The following DAAM1 variants were observed in gnomAD, a reference collection of about 807,000 sequenced individuals.
DAAM1 encodes dishevelled associated activator of morphogenesis 1.
DAAM1 carries 52 observed loss-of-function variants against 130.0 expected under a neutral mutation model. The ratio of observed to expected loss-of-function variants is 0.40; its 90% CI spans 0.32 to 0.50. The LOEUF (loss-of-function observed/expected upper bound fraction) is 0.50, where lower values mean the gene tolerates loss of function less well. Ranked by LOEUF, DAAM1 falls within the 20% of genes least tolerant of loss-of-function variation. The pLI is 0.61. For synonymous variants in DAAM1, 452 were observed against 444.5 expected, an observed-to-expected ratio of 1.02 and a Z score of -0.21; for missense variants, 1,134 against 1,303.8, an observed-to-expected ratio of 0.87 and a Z score of 2.01.
intron 1 of DAAM1, among the ~76,000 whole-genome samples, chr14:59,192,149 G>GT (rs1887749853): frequency 3.6e-5 from 5 of 138,650 alleles, no homozygotes; most frequent in African/African-American, 1.4e-4. Flanking sequence ...CTTGTTAAGG[G>GT]GTGTGTGTGT....
chr14:59,288,025 A>T (rs1436067088), intron 2 of DAAM1, among the ~76,000 whole-genome samples: 1 of 152,158 alleles, frequency 6.6e-6, no homozygotes, highest in Non-Finnish European at 1.5e-5. Context: ...CAAACTATAC[A>T]GCAAGGCTAC....
chr14:59,363,156 T>C (rs1025834601), intron 22 of DAAM1: 1 of 158,612 alleles, frequency 6.3e-6, no homozygotes, highest in Non-Finnish European at 1.4e-5. Context: ...TGGTACATTA[T>C]GGTGCCAAAT....
At chr14:59,207,090 G>A (rs1313314694) in intron 1 of DAAM1, among the ~76,000 whole-genome samples, 6 of 152,120 alleles carry the variant, frequency 3.9e-5, no homozygotes, top group Non-Finnish European at 7.4e-5. Context: ...AAGATGTTAA[G>A]GGTCGTTCAC....
chr14:59,254,116 G>T (rs994924174), intron 1 of DAAM1, among the ~76,000 whole-genome samples: 3 of 152,188 alleles, frequency 2.0e-5, no homozygotes, highest in Non-Finnish European at 4.4e-5. Context: ...TGCTCCTTGT[G>T]GTAGGGGGAC....
intron 2 of DAAM1, among the ~76,000 whole-genome samples, chr14:59,268,558 A>G (rs192953192): frequency 2.6e-5 from 4 of 152,298 alleles, no homozygotes; most frequent in Admixed American, 2.6e-4. Context: ...GCTGTTCTAT[A>G]TCTCCTGAAG....
chr14:59,337,573 A>G (rs76542896), intron 15 of DAAM1, among the ~76,000 whole-genome samples: 2 of 152,250 alleles, frequency 1.3e-5, no homozygotes, highest in African/African-American at 2.4e-5. Context: ...TTGCAAAAAT[A>G]TGCAACGTAT....
At chr14:59,314,872 T>C (rs377419459) in intron 3 of DAAM1, among the ~76,000 whole-genome samples, 68 of 152,328 alleles carry the variant, frequency 4.5e-4, no homozygotes, top group South Asian at 2.1e-3. Flanking sequence ...CTGAAAAAGT[T>C]TGGTTAATAA....
Position 59,331,888 on chromosome 14 carries a change from G to A in DAAM1, c.1936G>A (p.Glu646Lys). ...VFKILDLEDL[E>K]RTFSAYQRQQ... ...CAAAATTCTAGATCTTGAAGACCTG[G>A]AAAGAACCTTCTCTGCCTATCAAAG... Residue 646 changes from glutamate to lysine, a missense_variant, in exon 15 of 25, where the codon GAA (glutamate) becomes AAA (lysine). By Grantham distance (56) the Glu-to-Lys change is moderately conservative. Around this residue, in one of 3 missense-constraint regions of DAAM1, gnomAD observed 644 missense variants for 695.9 expected, o/e 0.93. Transcript: ENST00000360909. 1 of 1,614,108 alleles carries A rather than the reference G, an allele frequency of 6.2e-7. No homozygotes were observed. The highest frequency in any genetic ancestry group is 1.1e-5 in the South Asian group (1 of 91,080).
rs185154067 is a variant in DAAM1, at chr14:59,204,360, C to T, written c.-38+15592C>T. Among the ~76,000 whole-genome samples, 26 of 152,332 alleles carry T rather than the reference C, an allele frequency of 1.7e-4. 1 individual carries two copies. Among genetic ancestry groups the T allele is most frequent in the Admixed American group, 4.6e-4 (7 of 15,300 alleles). On this transcript the variant is annotated intron_variant, in intron 1 of 24. Coordinates refer to ENST00000360909, the MANE Select transcript of DAAM1 (RefSeq NM_001270520.2). ...GGGACTGCTTTTAGCTTCTAGAGGCCACCCACATTCTGTTCCACATGGCCC... is the reference window on the plus strand; with the variant it reads ...GGGACTGCTTTTAGCTTCTAGAGGCTACCCACATTCTGTTCCACATGGCCC...
intron 1 of DAAM1, among the ~76,000 whole-genome samples, chr14:59,251,295 GGCCCGT>G (rs1403391740): frequency 2.0e-5 from 3 of 152,018 alleles, no homozygotes; most frequent in African/African-American, 7.2e-5. Flanking sequence ...TGGATCAAAG[GGCCCGT>G]GCATTAAAAT....
At chr14:59,293,419 T>C (rs530476487) in intron 3 of DAAM1, among the ~76,000 whole-genome samples, 1 of 152,334 alleles carries the variant, frequency 6.6e-6, no homozygotes, top group Admixed American at 6.5e-5. Flanking sequence ...TCATCTCAAG[T>C]GTGCATGATG....
intron 2 of DAAM1, among the ~76,000 whole-genome samples, chr14:59,290,803 G>A (rs1035406888): frequency 3.9e-5 from 6 of 152,060 alleles, no homozygotes; most frequent in African/African-American, 1.4e-4. Flanking sequence ...GTTCTTCAGG[G>A]CCCAGCCTGT....
At chr14:59,191,890 G>A (rs1887740240) in intron 1 of DAAM1, among the ~76,000 whole-genome samples, 1 of 152,170 alleles carries the variant, frequency 6.6e-6, no homozygotes, top group Non-Finnish European at 1.5e-5. Context: ...TCCGTAAACA[G>A]GATCAGTTGT....
chr14:59,279,300 A>G (rs1883111033), intron 2 of DAAM1, among the ~76,000 whole-genome samples: 1 of 152,192 alleles, frequency 6.6e-6, no homozygotes, highest in African/African-American at 2.4e-5. Flanking sequence ...AAGAGATACT[A>G]TTGAGATACA....
At chr14:59,203,129 C>CT (rs896048883) in intron 1 of DAAM1, among the ~76,000 whole-genome samples, 5 of 149,048 alleles carry the variant, frequency 3.4e-5, no homozygotes, top group Non-Finnish European at 7.4e-5. Flanking sequence ...GTAGTTAGGA[C>CT]TACAGGCACC....
intron 1 of DAAM1, among the ~76,000 whole-genome samples, chr14:59,216,656 G>T (rs555264185): frequency 8.5e-5 from 13 of 152,182 alleles, no homozygotes; most frequent in East Asian, 3.9e-4. Flanking sequence ...GGAGGCAGAG[G>T]TTGCAGTGAG....
rs183284517 is a variant in DAAM1 at position 59,331,932 on chromosome 14, T to C, written c.1968+12T>C. Reference sequence around the variant, plus strand: ...ATCAAAGACAGCAGGTAACAGCATATGCCCTCCAGACACCAAAAAGGTAGA... The same window carrying C: ...ATCAAAGACAGCAGGTAACAGCATACGCCCTCCAGACACCAAAAAGGTAGA... On this transcript the variant is annotated intron_variant, in intron 15 of 24. Coordinates refer to ENST00000360909, the MANE Select transcript of DAAM1 (RefSeq NM_001270520.2). 62 of 1,607,624 alleles carry C rather than the reference T, an allele frequency of 3.9e-5. No homozygotes were observed. Among genetic ancestry groups the C allele is most frequent in the Admixed American group, 5.0e-5 (3 of 59,742 alleles).
At chr14:59,204,519 C>A (rs1323416852) in intron 1 of DAAM1, among the ~76,000 whole-genome samples, 1 of 152,150 alleles carries the variant, frequency 6.6e-6, no homozygotes, top group Non-Finnish European at 1.5e-5. Flanking sequence ...CCAAGCCCAC[C>A]CAGGGTAATC....
At chr14:59,272,282 C>T (rs1594791990) in intron 2 of DAAM1, among the ~76,000 whole-genome samples, 1 of 152,216 alleles carries the variant, frequency 6.6e-6, no homozygotes, top group East Asian at 1.9e-4. Flanking sequence ...AATATATTGG[C>T]TGGGTGCAGT....
Sources: allele counts gnomAD v4.1 joint callset (sites outside exome capture counted in the v4.1 genomes callset), GRCh38; gene constraint gnomAD v4.1.1; regional missense constraint gnomAD v4.1.1; transcripts MANE v1.5; gene names NCBI Gene and HGNC (gene_info 2026-07-23, HGNC 2026-07-21).